Variants in ATP8A2 observed in about 807,000 individuals in gnomAD.
The protein encoded by ATP8A2 is phospholipid-transporting ATPase IB.
Under a neutral mutation model 165.6 loss-of-function variants are expected in ATP8A2, and 100 were observed. The ratio of observed to expected loss-of-function variants is 0.60; its 90% CI spans 0.51 to 0.71. The LOEUF is 0.71. Among genes scored for constraint, ATP8A2 ranks in the 30% least tolerant of loss-of-function variants. The pLI is 0.00. For synonymous variants in ATP8A2, 543 were observed against 548.8 expected, an observed-to-expected ratio of 0.99 and a Z score of 0.15; for missense variants, 1,227 against 1,479.5, an observed-to-expected ratio of 0.83 and a Z score of 2.80.
At chr13:25,490,856 C>T (rs1344837917) in intron 2 of ATP8A2, among the ~76,000 whole-genome samples, 1 of 151,710 alleles carries the variant, frequency 6.6e-6, no homozygotes, top group African/African-American at 2.4e-5. Context: ...ATTCTCCCAC[C>T]TCAACCTCGT....
chr13:25,954,275 G>A (rs1185451116), intron 33 of ATP8A2, among the ~76,000 whole-genome samples: 3 of 152,220 alleles, frequency 2.0e-5, no homozygotes, highest in Admixed American at 2.0e-4. Context: ...CTGCAGCTCT[G>A]CAAAGCCACA....
intron 1 of ATP8A2, 197 bp from the exon 2 acceptor site, chr13:25,468,779 CG>C (rs1165065462): frequency 2.1e-6 from 2 of 956,326 alleles, no homozygotes; most frequent in East Asian, 1.2e-4. Flanking sequence ...TGGGCGGGGC[CG>C]GGGGCGGGGC....
At chr13:25,634,006 G>A (rs928616174) in intron 24 of ATP8A2, among the ~76,000 whole-genome samples, 6 of 151,566 alleles carry the variant, frequency 4.0e-5, no homozygotes, top group Non-Finnish European at 8.8e-5. Context: ...ACGGAAATCC[G>A]ACTGCTTCAC....
chr13:25,926,296 C>A (rs1283235087), intron 33 of ATP8A2, among the ~76,000 whole-genome samples: 1 of 152,110 alleles, frequency 6.6e-6, no homozygotes, highest in African/African-American at 2.4e-5. Context: ...GCAGGGTCGT[C>A]TATTTTTCCC....
intron 30 of ATP8A2, among the ~76,000 whole-genome samples, chr13:25,843,914 G>A (rs1420299995): frequency 6.6e-6 from 1 of 152,136 alleles, no homozygotes; most frequent in African/African-American, 2.4e-5. Flanking sequence ...GCGGAGGGGG[G>A]GACTTTTTCT....
At chr13:25,537,664 C>T (rs1044568661) in intron 6 of ATP8A2, among the ~76,000 whole-genome samples, 1 of 152,142 alleles carries the variant, frequency 6.6e-6, no homozygotes, top group Admixed American at 6.5e-5. Context: ...CTGTATACAG[C>T]TATGGAAATG....
intron 33 of ATP8A2, among the ~76,000 whole-genome samples, chr13:25,921,295 A>T (rs555505100): frequency 1.7e-4 from 26 of 152,142 alleles, no homozygotes; most frequent in African/African-American, 5.8e-4. Flanking sequence ...TTTTCCTCAA[A>T]TTATCTGAAA....
At chr13:25,871,142 T>C in intron 33 of ATP8A2, 1 of 366,318 alleles carries the variant, frequency 2.7e-6, no homozygotes. Context: ...TTTGTTGTGG[T>C]GTTGGCATTT....
At chr13:25,947,279 G>A (rs925576592) in intron 33 of ATP8A2, among the ~76,000 whole-genome samples, 8 of 152,096 alleles carry the variant, frequency 5.3e-5, no homozygotes, top group Admixed American at 3.3e-4. Flanking sequence ...TCATATTCAG[G>A]GTATGTTCGT....
chr13:25,772,211 A>G (rs1471833380), intron 26 of ATP8A2, among the ~76,000 whole-genome samples: 1 of 152,104 alleles, frequency 6.6e-6, no homozygotes, highest in African/African-American at 2.4e-5. Context: ...CCTCGGGAGA[A>G]TCATTCCTGC....
intron 28 of ATP8A2, among the ~76,000 whole-genome samples, chr13:25,832,810 A>G (rs1433742927): frequency 6.6e-6 from 1 of 152,234 alleles, no homozygotes; most frequent in Non-Finnish European, 1.5e-5. Flanking sequence ...CCATCACTAT[A>G]TAATTCATTG....
intron 33 of ATP8A2, among the ~76,000 whole-genome samples, chr13:25,916,556 CAT>C (rs1373506126): frequency 6.6e-6 from 1 of 152,224 alleles, no homozygotes; most frequent in Non-Finnish European, 1.5e-5. Flanking sequence ...ACTGATCAGA[CAT>C]AAAGTTATCG....
intron 24 of ATP8A2, among the ~76,000 whole-genome samples, chr13:25,653,422 G>A (rs756820598): frequency 1.4e-4 from 21 of 152,278 alleles, no homozygotes; most frequent in Non-Finnish European, 2.8e-4. Context: ...GACACATAGA[G>A]GGGAACAACA....
intron 16 of ATP8A2, among the ~76,000 whole-genome samples, 190 bp from the exon 17 acceptor site, chr13:25,570,577 T>C (rs778417959): frequency 6.6e-6 from 1 of 152,062 alleles, no homozygotes; most frequent in Non-Finnish European, 1.5e-5. Flanking sequence ...TTAGTGCGCG[T>C]CAGGAGAACC....
At chr13:25,711,127 C>T (rs535467470) in intron 25 of ATP8A2, among the ~76,000 whole-genome samples, 23 of 152,188 alleles carry the variant, frequency 1.5e-4, no homozygotes, top group Admixed American at 3.3e-4. Flanking sequence ...CCTCAGCCTC[C>T]GTAGTAGCTG....
intron 24 of ATP8A2, among the ~76,000 whole-genome samples, chr13:25,638,666 A>G (rs2041433677): frequency 6.6e-6 from 1 of 152,174 alleles, no homozygotes; most frequent in African/African-American, 2.4e-5. Flanking sequence ...AATGGAACCA[A>G]GTTGGAAAAC....
At chr13:25,581,171 C>T (rs1187326250) in intron 22 of ATP8A2, among the ~76,000 whole-genome samples, 1 of 152,134 alleles carries the variant, frequency 6.6e-6, no homozygotes. Context: ...CCTGGAGAGA[C>T]TTGGGATGTG....
intron 16 of ATP8A2, 84 bp from the exon 17 acceptor site, chr13:25,570,683 A>C: frequency 9.6e-7 from 1 of 1,043,552 alleles, no homozygotes; most frequent in Middle Eastern, 2.1e-4. Flanking sequence ...GGATGACTGG[A>C]TGTTAGTTGG....
intron 2 of ATP8A2, among the ~76,000 whole-genome samples, chr13:25,516,462 AC>A (rs1337539284): frequency 6.6e-6 from 1 of 152,184 alleles, no homozygotes; most frequent in Non-Finnish European, 1.5e-5. Flanking sequence ...GAAAGAATAT[AC>A]TGAATTCTGA....
Sources: gnomAD v4.1 joint callset for allele counts (sites outside exome capture counted in the v4.1 genomes callset) on GRCh38, gnomAD v4.1.1 for gene constraint, MANE v1.5 for transcripts, NCBI Gene and HGNC (gene_info 2026-07-23, HGNC 2026-07-21) for gene names.